Variants in ZNF185 observed in about 807,000 individuals in gnomAD.
ZNF185 encodes zinc finger protein 185.
Under a neutral mutation model 58.6 loss-of-function variants are expected in ZNF185, and 56 were observed. The ratio of observed to expected loss-of-function variants is 0.95; its 90% CI spans 0.77 to 1.19. The LOEUF is 1.19. ZNF185 is among the 50% of genes most tolerant of loss of function. The pLI is 0.00. For synonymous variants in ZNF185, 230 were observed against 215.9 expected, an observed-to-expected ratio of 1.07 and a Z score of -0.57; for missense variants, 627 against 573.5, an observed-to-expected ratio of 1.09 and a Z score of -0.95.
intron 1 of ZNF185, 26 bp from the exon 3 acceptor site, chrX:152,914,684 G>A: frequency 8.4e-7 from 1 of 1,195,083 alleles, no homozygotes; most frequent in Non-Finnish European, 1.1e-6. Context: ...TTCCTCTTCT[G>A]AGGCGGTTGG....
chrX:152,938,491 G>C (rs1194627658), intron 15 of ZNF185, among the ~76,000 whole-genome samples: 2 of 112,096 alleles, frequency 1.8e-5, no homozygotes, highest in Non-Finnish European at 3.8e-5. Flanking sequence ...CTCTCAGGCA[G>C]GGGGTGGGCA....
At chrX:152,941,465 C>T (rs1464101497) in intron 15 of ZNF185, among the ~76,000 whole-genome samples, 1 of 112,675 alleles carries the variant, frequency 8.9e-6, no homozygotes, top group Non-Finnish European at 1.9e-5. Flanking sequence ...ACAGCAGGGA[C>T]GGAAAAGAAA....
At chrX:152,915,317 C>CTTGGCTGGGGCTG in intron 3 of ZNF185, 114 bp downstream of exon 4, 2 of 767,432 alleles carry the variant, frequency 2.6e-6, no homozygotes, top group Admixed American at 3.2e-5. Flanking sequence ...GGATGCAGCC[C>CTTGGCTGGGGCTG]CAGCCAAGGG....
At chrX:152,960,163 G>C (rs1364032168) in intron 17 of ZNF185, among the ~76,000 whole-genome samples, 1 of 112,173 alleles carries the variant, frequency 8.9e-6, no homozygotes, top group East Asian at 2.8e-4. Context: ...CAGCCAGTTC[G>C]AACCTGGAAA....
intron 17 of ZNF185, among the ~76,000 whole-genome samples, chrX:152,960,526 A>G (rs1556909459): frequency 8.9e-6 from 1 of 112,448 alleles, no homozygotes; most frequent in African/African-American, 3.2e-5. Context: ...CAGGTCTCCC[A>G]AAGTGGTAGT....
rs1298865654 is a variant in ZNF185, at chrX:152,914,913, G to A, written c.158+80G>A. 4 of 1,104,413 alleles carry A rather than the reference G, an allele frequency of 3.6e-6. No individual in the cohort carries two copies. In the African/African-American group the frequency reaches 5.5e-5, roughly 15 times the overall value. The allele number at this position is 1,104,413 out of a possible 1,213,427, so 91.0% of individuals were successfully genotyped here. A position where few individuals can be genotyped will look rare whatever the true frequency, so the allele number is the denominator to read the frequency against. On this transcript the variant is annotated intron_variant, in intron 2 of 22. Coordinates refer to ENST00000449285, the Ensembl canonical transcript of ZNF185. ...GGGGACCGACCATACCTGGGGATGCGAAGGGGCTTCCACCATTCAGAGCTC... is the reference window on the plus strand; with the variant it reads ...GGGGACCGACCATACCTGGGGATGCAAAGGGGCTTCCACCATTCAGAGCTC...
Position 152,945,208 on chromosome X carries a change from G to A in ZNF185, c.1212-59G>A. On this transcript the variant is annotated intron_variant, in intron 15 of 22. Transcript: ENST00000449285. ...AGGTGACAGCCAGCTTGCGTCCTGG[G>A]GCTGAGGCAGGGTTAGTTTCAGAGC... 3 of 1,130,834 alleles carry A rather than the reference G, an allele frequency of 2.7e-6. No homozygotes were observed. The South Asian group carries it at 6.2e-5, about 23-fold the overall frequency. 93.2% of individuals were successfully genotyped at this position (1,130,834 alleles called of 1,213,427 possible).
chrX:152,939,245 G>A (rs1167964764), intron 15 of ZNF185, among the ~76,000 whole-genome samples: 7 of 98,591 alleles, frequency 7.1e-5, no homozygotes, highest in Non-Finnish European at 1.5e-4. Flanking sequence ...GATATCTAAG[G>A]TATGAGGCCT....
intron 13 of ZNF185, among the ~76,000 whole-genome samples, chrX:152,932,567 T>G (rs1933640652): frequency 8.9e-6 from 1 of 112,149 alleles, no homozygotes; most frequent in Non-Finnish European, 1.9e-5. Flanking sequence ...GGAATCCCTC[T>G]ATGGCTTATT....
intron 15 of ZNF185, among the ~76,000 whole-genome samples, chrX:152,942,053 C>T (rs957966596): frequency 3.6e-5 from 4 of 110,801 alleles, no homozygotes; most frequent in Non-Finnish European, 5.7e-5. Context: ...GGCAGCTGGA[C>T]CCTCCAACCA....
upstream of ZNF185, among the ~76,000 whole-genome samples, chrX:152,910,656 C>G (rs1416033180): frequency 5.3e-5 from 6 of 112,425 alleles, no homozygotes; most frequent in Non-Finnish European, 1.1e-4. Context: ...GTGATGACAC[C>G]TGTTTCATAT....
upstream of ZNF185, among the ~76,000 whole-genome samples, chrX:152,913,360 G>A (rs192186050): frequency 1.8e-5 from 2 of 112,288 alleles, no homozygotes; most frequent in African/African-American, 6.5e-5. Context: ...AGCCTGGAGA[G>A]CCAGCTTCAT....
chrX:152,900,395 A>G, the ZNF185 span, among the ~76,000 whole-genome samples: 5 of 112,470 alleles, frequency 4.4e-5, no homozygotes, highest in African/African-American at 1.3e-4. Flanking sequence ...GCTTCAAGCC[A>G]CAACTTATAA....
At chrX:152,966,104 T>C (rs1024021444) in intron 19 of ZNF185, among the ~76,000 whole-genome samples, 5 of 110,408 alleles carry the variant, frequency 4.5e-5, no homozygotes, top group African/African-American at 1.7e-4. Flanking sequence ...GCCTCCTGGG[T>C]TCAGGCAATT....
chrX:152,906,301 G>A, the ZNF185 span, among the ~76,000 whole-genome samples: 1 of 112,943 alleles, frequency 8.9e-6, no homozygotes, highest in Non-Finnish European at 1.9e-5. Context: ...CCAGATGGGA[G>A]TACTTATGTT....
the ZNF185 span, among the ~76,000 whole-genome samples, chrX:152,905,873 C>CCTCCCCTCCAGGGA: frequency 2.8e-3 from 308 of 111,260 alleles, 2 homozygotes; most frequent in African/African-American, 9.6e-3. Context: ...CTCCAGAGTC[C>CCTCCCCTCCAGGGA]CTCCCCTCCA....
chrX:152,957,631 C>T (rs954162486), intron 16 of ZNF185, among the ~76,000 whole-genome samples: 7 of 112,349 alleles, frequency 6.2e-5, no homozygotes, highest in East Asian at 2.8e-4. Flanking sequence ...AACAGGATGG[C>T]GACCTTGTCC....
At chrX:152,938,210 A>G in intron 15 of ZNF185, 47 bp downstream of exon 17, 2 of 1,127,112 alleles carry the variant, frequency 1.8e-6, no homozygotes, top group Non-Finnish European at 1.2e-6. Flanking sequence ...GGAGAGAGGC[A>G]GCTTGGGCTG....
upstream of ZNF185, among the ~76,000 whole-genome samples, chrX:152,912,839 A>C (rs1207716353): frequency 8.9e-6 from 1 of 112,058 alleles, no homozygotes; most frequent in Non-Finnish European, 1.9e-5. Flanking sequence ...GGTTGCTGGG[A>C]TGGGGACAGT....
Sources: gnomAD v4.1 joint callset for allele counts (sites outside exome capture counted in the v4.1 genomes callset) on GRCh38, gnomAD v4.1.1 for gene constraint, MANE v1.5 for transcripts, NCBI Gene and HGNC (gene_info 2026-07-23, HGNC 2026-07-21) for gene names.